The following GPR137B variants were observed in gnomAD, a reference collection of about 807,000 sequenced individuals.
GPR137B encodes G protein-coupled receptor 137B.
In GPR137B, 42 loss-of-function variants were observed where a neutral mutation model predicts 42.5. That is an observed-to-expected ratio of 0.99 (90% CI 0.77 to 1.28). The LOEUF is 1.28. GPR137B is among the 50% of genes most tolerant of loss of function. The pLI is 0.00. For missense variants in GPR137B, 487 were observed against 493.9 expected, an observed-to-expected ratio of 0.99 and a Z score of 0.13; for synonymous variants, 218 against 209.7, an observed-to-expected ratio of 1.04 and a Z score of -0.34.
chr1:236,191,938 C>T (rs1296092271), intron 5 of GPR137B, among the ~76,000 whole-genome samples: 1 of 152,198 alleles, frequency 6.6e-6, no homozygotes, highest in East Asian at 1.9e-4. Context: ...CTGCCCCTTC[C>T]CCCAAGTGCT....
intron 1 of GPR137B, among the ~76,000 whole-genome samples, chr1:236,149,575 TGGC>T (rs1291819341): frequency 1.1e-4 from 16 of 152,244 alleles, no homozygotes; most frequent in African/African-American, 3.9e-4. Context: ...CTGTGGCTCT[TGGC>T]GGTCAGTTTA....
At chr1:236,200,399 T>C (rs1003352705) in intron 5 of GPR137B, among the ~76,000 whole-genome samples, 2 of 152,040 alleles carry the variant, frequency 1.3e-5, no homozygotes, top group African/African-American at 4.8e-5. Context: ...GTCCATTGTT[T>C]CTTTGTTAAC....
intron 3 of GPR137B, among the ~76,000 whole-genome samples, chr1:236,178,922 T>C (rs962527269): frequency 2.7e-5 from 4 of 148,790 alleles, no homozygotes; most frequent in South Asian, 2.2e-4. Flanking sequence ...CTCAGCCTCC[T>C]GAGTAGCTGG....
chr1:236,142,642 G>C lies in GPR137B; in HGVS notation c.20G>C (p.Arg7Pro). 2 of 1,493,226 alleles carry C rather than the reference G, an allele frequency of 1.3e-6. No individual in the cohort carries two copies. Among genetic ancestry groups the C allele is most frequent in the South Asian group, 2.6e-5 (2 of 77,142 alleles). The allele number at this position is 1,493,226 out of a possible 1,614,324, so 92.5% of individuals were successfully genotyped here. Residue 7 changes from arginine to proline, a missense_variant, in exon 1 of 7, where the codon CGG becomes CCG. Physicochemically the swap from Arg to Pro is moderately radical, Grantham distance 103 (BLOSUM62 -2). Transcript: ENST00000366592. MRPERP[R>P]PRGSAPGPME... ...GCCCCGATGAGGCCCGAGCGTCCCC[G>C]GCCGCGCGGCAGCGCCCCCGGCCCG...
In GPR137B at chr1:236,155,760, C is replaced by T. The variant is rs1002503549; in HGVS notation, c.414+12724C>T. ...GCCCGGAGAGCTGAGCTGCTGGGAA[C>T]AGGAAGGAGAAGAGGAGCTGTTGGG... On this transcript the variant is annotated intron_variant, in intron 1 of 6. Coordinates refer to ENST00000366592, the MANE Select transcript of GPR137B (RefSeq NM_003272.4). The surrounding 1 kb of genome is among the most constrained non-coding windows in gnomAD (Gnocchi z 4.6). Among the ~76,000 whole-genome samples the T allele has an allele frequency of 6.6e-6, 1 of 152,040 alleles. No homozygotes were observed. The highest frequency in any genetic ancestry group is 1.9e-4 in the East Asian group (1 of 5,174).
chr1:236,191,239 T>C (rs1198962804), intron 5 of GPR137B, among the ~76,000 whole-genome samples: 1 of 152,196 alleles, frequency 6.6e-6, no homozygotes, highest in Non-Finnish European at 1.5e-5. Flanking sequence ...TAGCAATTCA[T>C]CTAACCTTTT....
chr1:236,178,785 G>GGTTTTTTTTTTTTTTTTT (rs1662771288), intron 3 of GPR137B, 149 bp downstream of exon 3: 2 of 48,310 alleles, frequency 4.1e-5, no homozygotes, highest in African/African-American at 1.3e-4. Context: ...GCTACTCGAG[G>GGTTTTTTTTTTTTTTTTT]TTTTTTTTTT....
At chr1:236,166,308 T>C (rs1662350337) in intron 1 of GPR137B, among the ~76,000 whole-genome samples, 1 of 151,858 alleles carries the variant, frequency 6.6e-6, no homozygotes, top group South Asian at 2.1e-4. Context: ...CGTTTCTTTT[T>C]ACGGATGTCA....
In GPR137B at chr1:236,205,234, C is replaced by T. The variant is rs1358612945; in HGVS notation, c.1075C>T (p.Gln359Ter). 2 of 1,613,218 alleles carry T rather than the reference C, an allele frequency of 1.2e-6. No individual in the cohort carries two copies. Among genetic ancestry groups the T allele is most frequent in the Non-Finnish European group, 1.7e-6 (2 of 1,179,266 alleles). The change falls in exon 6 of 7, where the codon CAG becomes TAG. Residue 359 changes from glutamine (Q) to a stop codon, truncating the protein, a stop_gained. Transcript: ENST00000366592. LOFTEE classifies it high-confidence loss of function. ...DDDLAWNIAPQGLQGGFAPDY... is the reference protein window; with the variant it reads ...DDDLAWNIAP ...TGACCTTGCCTGGAACATTGCCCCT[C>T]AGGGACTTCAGGGAGGGTAAGACCC...
intron 1 of GPR137B, among the ~76,000 whole-genome samples, chr1:236,143,407 C>T (rs1661590376): frequency 6.6e-6 from 1 of 152,272 alleles, no homozygotes; most frequent in African/African-American, 2.4e-5. Context: ...GAGGCCTGAA[C>T]TCTAGAATTT....
At chr1:236,153,677 T>C (rs988399251) in intron 1 of GPR137B, among the ~76,000 whole-genome samples, 2 of 152,204 alleles carry the variant, frequency 1.3e-5, no homozygotes, top group African/African-American at 4.8e-5. Context: ...GACTTCTCCA[T>C]TGTGCGATTG....
chr1:236,161,606 C>T (rs1242041098), intron 1 of GPR137B, among the ~76,000 whole-genome samples: 3 of 151,990 alleles, frequency 2.0e-5, no homozygotes, highest in Non-Finnish European at 4.4e-5. Context: ...AATTGTATCT[C>T]CCAGAATTTC....
chr1:236,176,720 G>A (rs1442883828), intron 2 of GPR137B, among the ~76,000 whole-genome samples: 4 of 152,002 alleles, frequency 2.6e-5, no homozygotes, highest in African/African-American at 7.3e-5. Flanking sequence ...GATAGCTGAC[G>A]TCATGCTTTT....
At chr1:236,180,134 C>T in intron 4 of GPR137B, 106 bp downstream of exon 4, 1 of 844,566 alleles carries the variant, frequency 1.2e-6, no homozygotes. Flanking sequence ...TGCTCAAGTC[C>T]CTGATATAAA....
chr1:236,146,503 C>T (rs74149569), intron 1 of GPR137B, among the ~76,000 whole-genome samples: 3,620 of 152,154 alleles, frequency 0.024, 143 homozygotes, highest in African/African-American at 0.082. Context: ...TGTGCTTTTG[C>T]AGGGTCCCTG....
intron 1 of GPR137B, among the ~76,000 whole-genome samples, chr1:236,153,602 G>A (rs1661934075): frequency 6.6e-6 from 1 of 152,190 alleles, no homozygotes; most frequent in Non-Finnish European, 1.5e-5. Flanking sequence ...ACTGTTTAAG[G>A]TCAAACTTAG....
intron 1 of GPR137B, among the ~76,000 whole-genome samples, chr1:236,166,889 C>T (rs959450949): frequency 6.6e-6 from 1 of 152,002 alleles, no homozygotes; most frequent in Non-Finnish European, 1.5e-5. Flanking sequence ...TGGGCCCAAG[C>T]GATCCTCCCA....
Position 236,180,011 on chromosome 1 carries a change from T to C in GPR137B, c.820T>C (p.Tyr274His), listed in dbSNP as rs1231862694. ...KSVHSFDYDW[Y>H]NVSDQADLKN... ...CGTCCATTCCTTTGATTATGACTGG[T>C]ACAATGTATCAGACCAGGTCAGTGG... is the stretch of plus-strand genomic sequence containing the variant. The change falls in exon 4 of 7, where the codon TAC becomes CAC. Residue 274 changes from tyrosine to histidine, a missense_variant. Transcript: ENST00000366592. 2 of 1,613,686 alleles carry C rather than the reference T, an allele frequency of 1.2e-6. No homozygotes were observed. The highest frequency in any genetic ancestry group is 1.7e-6 in the Non-Finnish European group (2 of 1,179,746).
Position 236,186,262 on chromosome 1 carries a change from T to TTATATATAATATAAATAATATATAA in GPR137B, c.966+2363_966+2364insAATATAAATAATATATAATATATAT, listed in dbSNP as rs1553365177. On this transcript the variant is annotated intron_variant, in intron 5 of 6. Transcript: ENST00000366592. ...TAATATAAATAATATATAATATATA[T>TTATATATAATATAAATAATATATAA]TATATATTATATATAATAATATAAA... 4.8e-4 allele frequency among the ~76,000 whole-genome samples: 11 copies of TTATATATAATATAAATAATATATAA among 22,870 alleles called. 1 individual carries two copies. The highest frequency in any genetic ancestry group is 1.4e-3 in the African/African-American group (10 of 7,158). 15.0% of individuals were successfully genotyped at this position (22,870 alleles called of 152,430 possible). A position where few individuals can be genotyped will look rare whatever the true frequency, so the allele number is the denominator to read the frequency against.
Sources: allele counts gnomAD v4.1 joint callset (sites outside exome capture counted in the v4.1 genomes callset), GRCh38; gene constraint gnomAD v4.1.1; non-coding constraint Gnocchi (gnomAD v3.1); transcripts MANE v1.5; gene names NCBI Gene and HGNC (gene_info 2026-07-23, HGNC 2026-07-21).